The following HDAC9 variants were observed in gnomAD, a reference collection of about 807,000 sequenced individuals.
HDAC9 encodes the protein MEF-2 interacting transcription repressor (MITR) protein.
In HDAC9, 41 loss-of-function variants were observed where a neutral mutation model predicts 139.4. That is an observed-to-expected ratio of 0.29 (90% CI 0.23 to 0.38). HDAC9 has a LOEUF of 0.38. HDAC9 is among the 10% of genes least tolerant of loss of function. The pLI, the probability that HDAC9 is intolerant of heterozygous loss-of-function variation, is 1.00. For synonymous variants in HDAC9, 517 were observed against 476.2 expected (o/e 1.09, Z -1.12); for missense variants, 1,147 against 1,297.0 (o/e 0.88, Z 1.78).
intron 2 of HDAC9, among the ~76,000 whole-genome samples, chr7:18,273,056 G>GTTTTTTTTT (rs746089054): frequency 1.4e-4 from 12 of 84,784 alleles, no homozygotes; most frequent in African/African-American, 5.4e-4. Flanking sequence ...CCCCTTCTTC[G>GTTTTTTTTT]TTTTTTTTTT....
At chr7:18,399,125 T>C (rs1413058535) in intron 1 of HDAC9, among the ~76,000 whole-genome samples, 1 of 152,188 alleles carries the variant, frequency 6.6e-6, no homozygotes, top group African/African-American at 2.4e-5. Flanking sequence ...TAAAAGGCTT[T>C]AGTTTTTAGT....
intron 1 of HDAC9, among the ~76,000 whole-genome samples, chr7:18,116,144 A>G (rs1332784877): frequency 6.6e-6 from 1 of 152,180 alleles, no homozygotes; most frequent in African/African-American, 2.4e-5. Flanking sequence ...GTGTATGTTA[A>G]TGAAAATTTG....
chr7:18,481,888 G>A (rs1795578318), intron 1 of HDAC9, among the ~76,000 whole-genome samples: 1 of 152,100 alleles, frequency 6.6e-6, no homozygotes, highest in African/African-American at 2.4e-5. Context: ...GAAGACTTTT[G>A]TCTGGTTGTT....
intron 6 of HDAC9, among the ~76,000 whole-genome samples, chr7:18,614,820 C>A (rs1398394044): frequency 6.6e-6 from 1 of 152,104 alleles, no homozygotes; most frequent in African/African-American, 2.4e-5. Flanking sequence ...CTGTTCAAAC[C>A]ATAATTCTAA....
chr7:18,579,192 A>G (rs1265018101), intron 2 of HDAC9, among the ~76,000 whole-genome samples: 1 of 152,230 alleles, frequency 6.6e-6, no homozygotes, highest in East Asian at 1.9e-4. Context: ...TGCAACAAAG[A>G]ACAGAAAAAT....
chr7:18,933,176 C>T (rs1265271865), intron 22 of HDAC9, among the ~76,000 whole-genome samples: 1 of 152,098 alleles, frequency 6.6e-6, no homozygotes, highest in Non-Finnish European at 1.5e-5. Flanking sequence ...TCTCACAGTT[C>T]TGGTTACTGT....
intron 1 of HDAC9, among the ~76,000 whole-genome samples, chr7:18,305,877 T>C (rs151222363): frequency 1.2e-4 from 19 of 152,092 alleles, no homozygotes; most frequent in African/African-American, 4.6e-4. Flanking sequence ...GGGAAGTACT[T>C]CCCAGGTTTT....
chr7:18,491,215 A>T (rs1464011939), upstream of HDAC9, among the ~76,000 whole-genome samples: 3 of 151,986 alleles, frequency 2.0e-5, no homozygotes, highest in Admixed American at 6.6e-5. Context: ...ATAATAAAAC[A>T]TTCTTTATAT....
At chr7:18,438,645 C>CGTGTGTGTGT (rs5882662) in intron 1 of HDAC9, among the ~76,000 whole-genome samples, 7 of 147,950 alleles carry the variant, frequency 4.7e-5, no homozygotes, top group African/African-American at 1.7e-4. Flanking sequence ...GCTGTGTGTG[C>CGTGTGTGTGT]GTGTGTGTGT....
intron 6 of HDAC9, among the ~76,000 whole-genome samples, chr7:18,613,828 C>T (rs999228226): frequency 6.6e-6 from 1 of 152,012 alleles, no homozygotes; most frequent in African/African-American, 2.4e-5. Flanking sequence ...CTCAGGCTTC[C>T]TTTTTCTCTG....
chr7:18,900,337 G>A (rs1226758349), intron 22 of HDAC9, among the ~76,000 whole-genome samples: 1 of 152,146 alleles, frequency 6.6e-6, no homozygotes, highest in Admixed American at 6.5e-5. Flanking sequence ...AGCATGAAAT[G>A]TACTTGATCC....
At chr7:18,590,780 CT>C (rs1830723465) in intron 4 of HDAC9, among the ~76,000 whole-genome samples, 1 of 152,160 alleles carries the variant, frequency 6.6e-6, no homozygotes, top group African/African-American at 2.4e-5. Flanking sequence ...TATATGCCAT[CT>C]TGTTTAATAA....
chr7:18,438,674 G>A (rs1791456846), intron 1 of HDAC9, among the ~76,000 whole-genome samples: 1 of 139,974 alleles, frequency 7.1e-6, no homozygotes, highest in Non-Finnish European at 1.6e-5. Flanking sequence ...GTGTGTGTGT[G>A]TAACATTATA....
chr7:18,482,850 G>A (rs1795683662), intron 1 of HDAC9, among the ~76,000 whole-genome samples: 1 of 152,114 alleles, frequency 6.6e-6, no homozygotes, highest in African/African-American at 2.4e-5. Context: ...AACACTGAAG[G>A]CCCTTCTTCC....
chr7:18,550,471 T>C (rs930085222), intron 2 of HDAC9, among the ~76,000 whole-genome samples: 1 of 152,184 alleles, frequency 6.6e-6, no homozygotes, highest in African/African-American at 2.4e-5. Flanking sequence ...TTGCTGCTCT[T>C]CTAAAGCTTA....
chr7:18,585,126 T>C, intron 2 of HDAC9, 155 bp from the exon 3 acceptor site: 1 of 837,722 alleles, frequency 1.2e-6, no homozygotes, highest in Non-Finnish European at 1.9e-6. Context: ...TACAAATGAC[T>C]TTATATCATC....
At chr7:18,884,106 A>G (rs1439477544) in intron 22 of HDAC9, among the ~76,000 whole-genome samples, 1 of 152,190 alleles carries the variant, frequency 6.6e-6, no homozygotes, top group Non-Finnish European at 1.5e-5. Flanking sequence ...GAACATTGTT[A>G]AAGTTTACAT....
chr7:18,373,053 A>G (rs1479446120), intron 1 of HDAC9, among the ~76,000 whole-genome samples: 1 of 152,154 alleles, frequency 6.6e-6, no homozygotes, highest in Non-Finnish European at 1.5e-5. Context: ...TTTTACTAGT[A>G]TCAATAAATT....
intron 1 of HDAC9, among the ~76,000 whole-genome samples, chr7:18,486,082 G>A (rs538762816): frequency 6.6e-6 from 1 of 152,242 alleles, no homozygotes; most frequent in South Asian, 2.1e-4. Flanking sequence ...GGGCAAGAGA[G>A]CATGAGAAAG....
Sources: allele counts gnomAD v4.1 joint callset (sites outside exome capture counted in the v4.1 genomes callset), GRCh38; gene constraint gnomAD v4.1.1; transcripts MANE v1.5; gene names NCBI Gene and HGNC (gene_info 2026-07-23, HGNC 2026-07-21).